Variants in RANBP2 observed in about 807,000 individuals in gnomAD.
RANBP2 encodes the protein RAN binding protein 2, also known as E3 SUMO-protein ligase RanBP2.
A neutral mutation model predicts 303.6 loss-of-function variants in RANBP2; 57 were observed. The observed-to-expected ratio is 0.19, with a 90% CI of 0.15 to 0.23. The LOEUF (loss-of-function observed/expected upper bound fraction) is 0.23. Ranked by LOEUF, RANBP2 falls within the 10% of genes least tolerant of loss-of-function variation. The probability of loss-of-function intolerance (pLI) is 1.00; values close to 1 mark genes in which losing one functional copy is unlikely to be tolerated. For missense variants in RANBP2, 3,138 were observed against 3,780.8 expected, an observed-to-expected ratio of 0.83 and a Z score of 4.46; for synonymous variants, 1,167 against 1,301.5, an observed-to-expected ratio of 0.90 and a Z score of 2.23.
chr2:109,288,114 A>G, the RANBP2 span, among the ~76,000 whole-genome samples: 4 of 152,234 alleles, frequency 2.6e-5, no homozygotes, highest in Non-Finnish European at 5.9e-5. Flanking sequence ...TTTGCCCACA[A>G]GACAAGGCTA....
chr2:109,760,438 C>A, the RANBP2 span: 3 of 948,922 alleles, frequency 3.2e-6, no homozygotes, highest in East Asian at 1.4e-4. Flanking sequence ...GGCGCAGGGC[C>A]GGGGGCGGCG....
the RANBP2 span, among the ~76,000 whole-genome samples, chr2:109,438,744 A>G: frequency 1.1e-3 from 168 of 152,326 alleles, no homozygotes; most frequent in African/African-American, 3.9e-3. Flanking sequence ...CTGGGGATAC[A>G]GTCATTGCAG....
At chr2:109,599,458 CAAA>C in the RANBP2 span, among the ~76,000 whole-genome samples, 2 of 63,298 alleles carry the variant, frequency 3.2e-5, no homozygotes, top group Non-Finnish European at 3.1e-5. Flanking sequence ...ACTCAGTCTC[CAAA>C]AAAAAAAAAA....
the RANBP2 span, among the ~76,000 whole-genome samples, chr2:108,913,595 G>A: frequency 6.6e-6 from 1 of 152,086 alleles, no homozygotes. Flanking sequence ...GCATCAGTTT[G>A]AAATAATAGC....
the RANBP2 span, among the ~76,000 whole-genome samples, chr2:109,524,728 G>A: frequency 3.3e-5 from 5 of 151,798 alleles, no homozygotes; most frequent in African/African-American, 1.2e-4. Context: ...CTGGGTGACA[G>A]AGAAAGACTC....
the RANBP2 span, among the ~76,000 whole-genome samples, chr2:109,358,924 A>G: frequency 6.6e-6 from 1 of 152,158 alleles, no homozygotes; most frequent in Non-Finnish European, 1.5e-5. Flanking sequence ...TATATTTTAC[A>G]TTTAGGTCTG....
At chr2:109,707,218 AT>A in the RANBP2 span, among the ~76,000 whole-genome samples, 2 of 152,204 alleles carry the variant, frequency 1.3e-5, no homozygotes, top group East Asian at 1.9e-4. Flanking sequence ...AACCAGTGAC[AT>A]GTTTTGCAGT....
At chr2:109,546,452 T>A in the RANBP2 span, among the ~76,000 whole-genome samples, 1 of 152,308 alleles carries the variant, frequency 6.6e-6, no homozygotes, top group African/African-American at 2.4e-5. Flanking sequence ...CATGCAAAAA[T>A]CATAGCTTTA....
chr2:108,807,265 G>A, the RANBP2 span, among the ~76,000 whole-genome samples: 1 of 152,138 alleles, frequency 6.6e-6, no homozygotes, highest in African/African-American at 2.4e-5. Flanking sequence ...AGAATTCCTA[G>A]CATAGGTCCA....
the RANBP2 span, among the ~76,000 whole-genome samples, chr2:108,860,843 C>T: frequency 1.4e-5 from 2 of 146,978 alleles, no homozygotes; most frequent in African/African-American, 2.5e-5. Context: ...AGTCCCTCCT[C>T]CTCGATATTT....
At chr2:108,934,870 C>T in the RANBP2 span, among the ~76,000 whole-genome samples, 1 of 152,184 alleles carries the variant, frequency 6.6e-6, no homozygotes. Flanking sequence ...AACATTCAAA[C>T]CAAAGCAGCG....
chr2:109,720,104 T>A, the RANBP2 span, among the ~76,000 whole-genome samples: 1 of 152,112 alleles, frequency 6.6e-6, no homozygotes, highest in Non-Finnish European at 1.5e-5. Flanking sequence ...GACATAAATT[T>A]CATTTGACAT....
At chr2:109,004,721 T>C in the RANBP2 span, among the ~76,000 whole-genome samples, 2 of 152,226 alleles carry the variant, frequency 1.3e-5, no homozygotes, top group African/African-American at 4.8e-5. Flanking sequence ...CTCTCATCTC[T>C]GATTTCTGCC....
chr2:109,258,110 C>A, the RANBP2 span, among the ~76,000 whole-genome samples: 1 of 152,188 alleles, frequency 6.6e-6, no homozygotes, highest in Non-Finnish European at 1.5e-5. Context: ...GCTTAACCGG[C>A]CCAGACATTG....
chr2:108,911,470 G>A, the RANBP2 span, among the ~76,000 whole-genome samples: 48 of 152,294 alleles, frequency 3.2e-4, no homozygotes, highest in African/African-American at 1.1e-3. Flanking sequence ...GTCAGGATGC[G>A]AAAGTCAGCT....
At chr2:109,622,289 GGTTTGTGGGAAGCCCTAGTGGT>G in the RANBP2 span, among the ~76,000 whole-genome samples, 1 of 152,312 alleles carries the variant, frequency 6.6e-6, no homozygotes, top group East Asian at 1.9e-4. Context: ...CTGGCTCTAA[GGTTTGTGGGAAGCCCTAGTGGT>G]ACAGGAAATA....
chr2:109,404,798 G>A, the RANBP2 span, among the ~76,000 whole-genome samples: 1 of 152,134 alleles, frequency 6.6e-6, no homozygotes, highest in South Asian at 2.1e-4. Context: ...CACCCCTGCT[G>A]CTGAAGCTGA....
chr2:108,722,679 T>C (rs1694364232), intron 1 of RANBP2, among the ~76,000 whole-genome samples: 1 of 148,652 alleles, frequency 6.7e-6, no homozygotes, highest in Admixed American at 6.6e-5. Context: ...CTGAGCACTT[T>C]GGGAGGCCGA....
the RANBP2 span, among the ~76,000 whole-genome samples, chr2:109,346,605 G>A: frequency 1.5e-5 from 2 of 130,362 alleles, no homozygotes; most frequent in Non-Finnish European, 3.2e-5. Flanking sequence ...AAGGAGAGAG[G>A]CCCATGAGGC....
Sources: allele counts gnomAD v4.1 joint callset (sites outside exome capture counted in the v4.1 genomes callset), GRCh38; gene constraint gnomAD v4.1.1; transcripts MANE v1.5; gene names NCBI Gene and HGNC (gene_info 2026-07-23, HGNC 2026-07-21).